The following CCAR1 variants were observed in gnomAD, a reference collection of about 807,000 sequenced individuals.
The protein encoded by CCAR1 is cell division cycle and apoptosis regulator 1, also known as cell division cycle and apoptosis regulator protein 1.
CCAR1 carries 78 observed loss-of-function variants against 163.8 expected under a neutral mutation model. The observed-to-expected ratio is 0.48, with a 90% CI of 0.40 to 0.57. The LOEUF (loss-of-function observed/expected upper bound fraction) is 0.57. Among genes scored for constraint, CCAR1 ranks in the 20% least tolerant of loss-of-function variants. The pLI, the probability that CCAR1 is intolerant of heterozygous loss-of-function variation, is 0.00. For synonymous variants in CCAR1, 443 were observed against 460.7 expected (o/e 0.96, Z 0.49); for missense variants, 1,019 against 1,365.2 (o/e 0.75, Z 4.00).
intron 8 of CCAR1, among the ~76,000 whole-genome samples, chr10:68,748,356 C>T (rs2056285305): frequency 6.6e-6 from 1 of 151,838 alleles, no homozygotes; most frequent in Admixed American, 6.6e-5. Context: ...GCCCAGATCA[C>T]GCCATCGCAC....
chr10:68,783,858 C>T (rs1016295137), intron 19 of CCAR1, among the ~76,000 whole-genome samples: 9 of 151,636 alleles, frequency 5.9e-5, no homozygotes, highest in Non-Finnish European at 1.0e-4. Flanking sequence ...CCTGGGTTCA[C>T]GCCATTCTGC....
chr10:68,773,444 T>C (rs1365448716), intron 19 of CCAR1, among the ~76,000 whole-genome samples: 1 of 152,014 alleles, frequency 6.6e-6, no homozygotes, highest in Non-Finnish European at 1.5e-5. Context: ...AGGTGATCAT[T>C]TGAGGTCAAG....
At chr10:68,728,113 A>G (rs2133301888) in intron 2 of CCAR1, among the ~76,000 whole-genome samples, 1 of 152,334 alleles carries the variant, frequency 6.6e-6, no homozygotes, top group East Asian at 1.9e-4. Context: ...CTGGGATTAC[A>G]GGTGTGAGCC....
chr10:68,782,234 T>C (rs940174907), intron 19 of CCAR1, among the ~76,000 whole-genome samples: 1 of 152,164 alleles, frequency 6.6e-6, no homozygotes, highest in Admixed American at 6.6e-5. Flanking sequence ...AGAAAAAAGT[T>C]TGAGGCTACC....
chr10:68,742,879 A>G (rs978144515), intron 6 of CCAR1, among the ~76,000 whole-genome samples: 1 of 152,158 alleles, frequency 6.6e-6, no homozygotes, highest in Non-Finnish European at 1.5e-5. Flanking sequence ...CAGCTTCCCA[A>G]GGTGCTGGGA....
At chr10:68,765,375 C>T (rs147514459) in intron 16 of CCAR1, among the ~76,000 whole-genome samples, 10 of 152,302 alleles carry the variant, frequency 6.6e-5, no homozygotes, top group African/African-American at 2.2e-4. Flanking sequence ...TTCTTGTTCT[C>T]CCATTGCTTC....
chr10:68,722,336 T>C (rs2055870994), intron 1 of CCAR1, 119 bp from the exon 2 acceptor site: 1 of 630,800 alleles, frequency 1.6e-6, no homozygotes, highest in Non-Finnish European at 2.9e-6. Context: ...ACAGTTGTTA[T>C]TTCTGCTGAA....
rs181350200 is a variant in CCAR1, at chr10:68,734,488, C to T, written c.74-2388C>T. On this transcript the variant is annotated intron_variant, in intron 2 of 24. Coordinates refer to ENST00000265872, the MANE Select transcript of CCAR1 (RefSeq NM_018237.4). Reference sequence around the variant, plus strand: ...GGCAACATTAATGAGATTCCATTTCCTTTTTTTTTTCTTTTTTCTTTTTTT... The same window carrying T: ...GGCAACATTAATGAGATTCCATTTCTTTTTTTTTTTCTTTTTTCTTTTTTT... Among the ~76,000 whole-genome samples, 254 of 147,938 alleles carry T rather than the reference C, an allele frequency of 1.7e-3. 3 individuals are homozygous for T. Among genetic ancestry groups the T allele is most frequent in the Admixed American group, 0.014 (207 of 14,742 alleles).
chr10:68,759,992 G>A (rs577278226), intron 15 of CCAR1, among the ~76,000 whole-genome samples: 56 of 152,054 alleles, frequency 3.7e-4, no homozygotes, highest in South Asian at 1.9e-3. Flanking sequence ...GTTCCACCAT[G>A]CCTGGCTAAT....
At chr10:68,788,873 C>T (rs574526684) in intron 23 of CCAR1, among the ~76,000 whole-genome samples, 1 of 151,678 alleles carries the variant, frequency 6.6e-6, no homozygotes, top group South Asian at 2.1e-4. Context: ...TTCTCAGGTT[C>T]ATTGTTACCT....
At chr10:68,750,136 T>C (rs1245776970) in intron 10 of CCAR1, among the ~76,000 whole-genome samples, 1 of 152,144 alleles carries the variant, frequency 6.6e-6, no homozygotes, top group Admixed American at 6.5e-5. Flanking sequence ...TGTATGTGTA[T>C]GTATATACAT....
chr10:68,771,500 G>A lies in CCAR1; in HGVS notation c.2538+55G>A, dbSNP rs901763489. The A allele has an allele frequency of 2.8e-6, 4 of 1,429,930 alleles. No homozygotes were observed. The Admixed American group carries it at 6.7e-5, about 24-fold the overall frequency. 88.6% of individuals were successfully genotyped at this position (1,429,930 alleles called of 1,614,324 possible). ...TTCAGTTACTCTTCTAGGTTATAAA[G>A]GTTGATGTTGATTTCCATCAGAATA... is the stretch of plus-strand genomic sequence containing the variant. On this transcript the variant is annotated intron_variant, in intron 18 of 24. Transcript: ENST00000265872.
Position 68,756,292 on chromosome 10 carries a change from C to G in CCAR1, c.1645C>G (p.Arg549Gly). Residue 549 changes from arginine to glycine, a missense_variant, in exon 14 of 25, where the codon CGC becomes GGC. Arg to Gly is a moderately radical substitution (Grantham distance 125). Around this residue, in one of 4 missense-constraint regions of CCAR1, gnomAD observed 644 missense variants for 904.4 expected, o/e 0.71. Coordinates refer to ENST00000265872, the MANE Select transcript of CCAR1 (RefSeq NM_018237.4). This position sits in a 1 kb window ranked among gnomAD's most constrained non-coding sequence, Gnocchi z 5.1. Reference sequence around the variant, plus strand: ...CAACAGGTACCGTTTTGCAGAGATTCGCTACCATCGCCCTGAGGAGACCCA... The same window carrying G: ...CAACAGGTACCGTTTTGCAGAGATTGGCTACCATCGCCCTGAGGAGACCCA... ...CTQWYRFAEIRYHRPEETHKG... is the reference protein window; with the variant it reads ...CTQWYRFAEIGYHRPEETHKG... 2 of 1,613,870 alleles carry G rather than the reference C, an allele frequency of 1.2e-6. No individual in the cohort carries two copies. Among genetic ancestry groups the G allele is most frequent in the Non-Finnish European group, 1.7e-6 (2 of 1,179,864 alleles).
chr10:68,761,066 C>G lies in CCAR1; in HGVS notation c.1980C>G (p.Ser660=). The G allele has an allele frequency of 6.3e-7, 1 of 1,597,924 alleles. No homozygotes were observed. The highest frequency in any genetic ancestry group is 2.3e-5 in the East Asian group (1 of 43,986). Residue 660 remains serine (S), a synonymous_variant, in exon 16 of 25, where the codon TCC becomes TCG. Coordinates refer to ENST00000265872, the MANE Select transcript of CCAR1 (RefSeq NM_018237.4). ...SRALSSKGLK[S]QLIARLTKQL... ...CTCTTAGTTCCAAAGGATTAAAATCCCAGTTAATAGCCCGATTGACAAAAC... is the reference window on the plus strand; with the variant it reads ...CTCTTAGTTCCAAAGGATTAAAATCGCAGTTAATAGCCCGATTGACAAAAC...
At chr10:68,789,246 T>C (rs1288638492) in intron 23 of CCAR1, among the ~76,000 whole-genome samples, 1 of 151,826 alleles carries the variant, frequency 6.6e-6, no homozygotes, top group African/African-American at 2.4e-5. Flanking sequence ...CTCTAATCTA[T>C]ACAGTCATCT....
intron 2 of CCAR1, among the ~76,000 whole-genome samples, chr10:68,725,680 A>C (rs931945395): frequency 6.6e-6 from 1 of 152,170 alleles, no homozygotes; most frequent in Admixed American, 6.6e-5. Flanking sequence ...TATTTATTTT[A>C]TATCTCTTAC....
At chr10:68,721,442 G>T (rs895793733) in intron 1 of CCAR1, 160 bp downstream of exon 1, 1 of 310,308 alleles carries the variant, frequency 3.2e-6, no homozygotes. Flanking sequence ...GGAGGGACGC[G>T]GTCCCTTTTG....
chr10:68,762,731 G>A (rs1049930852), intron 16 of CCAR1, among the ~76,000 whole-genome samples: 1 of 152,084 alleles, frequency 6.6e-6, no homozygotes, highest in Non-Finnish European at 1.5e-5. Flanking sequence ...TCTAGAATGT[G>A]AAATTTTCTT....
At chr10:68,765,389 A>T (rs984616022) in intron 16 of CCAR1, among the ~76,000 whole-genome samples, 1 of 151,902 alleles carries the variant, frequency 6.6e-6, no homozygotes, top group Non-Finnish European at 1.5e-5. Flanking sequence ...TTGCTTCCTT[A>T]TGCTTTCTTT....
Sources: gnomAD v4.1 joint callset for allele counts (sites outside exome capture counted in the v4.1 genomes callset) on GRCh38, gnomAD v4.1.1 for gene constraint, gnomAD v4.1.1 regional missense constraint, Gnocchi (gnomAD v3.1) non-coding constraint, MANE v1.5 for transcripts, NCBI Gene and HGNC (gene_info 2026-07-23, HGNC 2026-07-21) for gene names.